Variants in PLEKHA7 observed in about 807,000 individuals in gnomAD.
The protein encoded by PLEKHA7 is pleckstrin homology domain-containing family A member 7.
A neutral mutation model predicts 170.0 loss-of-function variants in PLEKHA7; 104 were observed. The ratio of observed to expected loss-of-function variants is 0.61; its 90% CI spans 0.52 to 0.72. The LOEUF is 0.72. PLEKHA7 is among the 30% of genes least tolerant of loss of function. The pLI is 0.00. For synonymous variants in PLEKHA7, 648 were observed against 660.8 expected, an observed-to-expected ratio of 0.98 and a Z score of 0.30; for missense variants, 1,615 against 1,671.7, an observed-to-expected ratio of 0.97 and a Z score of 0.59.
chr11:16,812,328 G>A (rs1221779693), intron 13 of PLEKHA7: 3 of 152,236 alleles, frequency 2.0e-5, no homozygotes, highest in African/African-American at 7.2e-5. Context: ...TCCCAAGCCA[G>A]GTACACTGGA....
chr11:16,943,128 C>G (rs1184103076), intron 3 of PLEKHA7, among the ~76,000 whole-genome samples: 4 of 152,116 alleles, frequency 2.6e-5, no homozygotes, highest in Non-Finnish European at 5.9e-5. Context: ...AAGCCACATA[C>G]GCAATTTCGA....
At chr11:16,967,081 A>G (rs1862418990) in intron 3 of PLEKHA7, among the ~76,000 whole-genome samples, 1 of 152,214 alleles carries the variant, frequency 6.6e-6, no homozygotes, top group Non-Finnish European at 1.5e-5. Flanking sequence ...AAAATCACTG[A>G]TTCCAACAGA....
rs567503249 is a variant in PLEKHA7 at position 16,826,501 on chromosome 11, G to T, written c.962C>A (p.Thr321Lys). ...ATGGCCACGATGAGGACAATCTCTC[G>T]TATGTCCGGGTCCCACCCGGCCACA... Reference protein sequence around the residue: ...HECGRVGPGHTRDCPHRGHDD... With the variant: ...HECGRVGPGHKRDCPHRGHDD... The change falls in exon 10 of 27, where the codon ACG becomes AAG. Residue 321 changes from threonine (T) to lysine (K), a missense_variant. By Grantham distance (78) the Thr-to-Lys change is moderately conservative (BLOSUM62 -1). Transcript: ENST00000531066. 1.9e-6 allele frequency: 3 copies of T among 1,614,198 alleles called. No individual in the cohort carries two copies. The highest frequency in any genetic ancestry group is 2.2e-5 in the East Asian group (1 of 44,876).
chr11:16,826,304 G>C lies in PLEKHA7; in HGVS notation c.1159C>G (p.Gln387Glu). Residue 387 changes from glutamine (Q) to glutamate (E), a missense_variant, in exon 10 of 27, where the codon CAG (glutamine) becomes GAG (glutamate). Physicochemically the swap from Gln to Glu is conservative, Grantham distance 29. Coordinates refer to ENST00000531066, the MANE Select transcript of PLEKHA7 (RefSeq NM_001329630.2). The part of the protein sequence containing the change: ...LPTGPRGQQA[Q>E]PQRAEKNGML... ...CCATTCTTCTCTGCCCGTTGGGGCT[G>C]TGCCTGCTGGCCTCTTGGGCCAGTG... 1 of 1,614,228 alleles carries C rather than the reference G, an allele frequency of 6.2e-7. No homozygotes were observed. The highest frequency in any genetic ancestry group is 8.5e-7 in the Non-Finnish European group (1 of 1,180,040).
chr11:16,816,097 G>T, intron 12 of PLEKHA7, 81 bp downstream of exon 12: 1 of 1,196,726 alleles, frequency 8.4e-7, no homozygotes, highest in Non-Finnish European at 1.2e-6. Flanking sequence ...GCTGCCCTCT[G>T]GACTGCATTG....
At chr11:16,790,010 T>A (rs1847726021) in intron 21 of PLEKHA7, 132 bp from the exon 22 acceptor site, 1 of 817,412 alleles carries the variant, frequency 1.2e-6, no homozygotes, top group African/African-American at 1.7e-5. Context: ...CTCTTCTTCC[T>A]CCCCAGGGCA....
At chr11:16,847,932 G>C (rs1283581425) in intron 8 of PLEKHA7, among the ~76,000 whole-genome samples, 1 of 152,034 alleles carries the variant, frequency 6.6e-6, no homozygotes, top group Non-Finnish European at 1.5e-5. Flanking sequence ...CCTGAACAAG[G>C]GTGCAACTTA....
At chr11:16,781,900 A>C (rs545639841) in intron 26 of PLEKHA7, among the ~76,000 whole-genome samples, 4 of 152,232 alleles carry the variant, frequency 2.6e-5, no homozygotes, top group South Asian at 2.1e-4. Flanking sequence ...TCCCCAGAAG[A>C]AGCACACCTG....
chr11:16,872,532 A>AT (rs1020034163), intron 3 of PLEKHA7, among the ~76,000 whole-genome samples: 1 of 151,898 alleles, frequency 6.6e-6, no homozygotes, highest in Non-Finnish European at 1.5e-5. Context: ...GTAAACAAAA[A>AT]TTTTTTTGAC....
At chr11:16,792,911 C>T (rs1358777959) in intron 19 of PLEKHA7, among the ~76,000 whole-genome samples, 1 of 152,108 alleles carries the variant, frequency 6.6e-6, no homozygotes, top group Non-Finnish European at 1.5e-5. Flanking sequence ...GTAGCTGGGA[C>T]GACAGGCAAG....
At chr11:16,972,167 C>T (rs1008903214) in intron 3 of PLEKHA7, among the ~76,000 whole-genome samples, 25 of 151,330 alleles carry the variant, frequency 1.7e-4, no homozygotes, top group Admixed American at 5.3e-4. Flanking sequence ...CTGTCTCCCT[C>T]GCTGGAGTGC....
chr11:16,847,104 T>C (rs925746160), intron 8 of PLEKHA7, among the ~76,000 whole-genome samples: 3 of 134,094 alleles, frequency 2.2e-5, no homozygotes, highest in East Asian at 2.2e-4. Flanking sequence ...TTTTTTTTTT[T>C]TTTTTTTTTT....
chr11:16,855,739 G>A (rs1853382821), intron 5 of PLEKHA7, 64 bp downstream of exon 5: 1 of 1,244,356 alleles, frequency 8.0e-7, no homozygotes, highest in Admixed American at 2.0e-5. Context: ...TGGACTTCTG[G>A]TTACAAAGGG....
chr11:16,994,945 A>G (rs564895760), intron 3 of PLEKHA7, among the ~76,000 whole-genome samples: 2 of 152,256 alleles, frequency 1.3e-5, no homozygotes, highest in African/African-American at 4.8e-5. Context: ...TGATTCATTA[A>G]CTGAGTGCCT....
At chr11:16,977,721 C>T (rs1424437076) in intron 3 of PLEKHA7, among the ~76,000 whole-genome samples, 1 of 152,158 alleles carries the variant, frequency 6.6e-6, no homozygotes, top group Admixed American at 6.5e-5. Context: ...GCCTAAGTGC[C>T]CAGACTGTGG....
Position 17,004,375 on chromosome 11 carries a change from C to T in PLEKHA7, c.221+9614G>A, listed in dbSNP as rs978688825. 7.9e-5 allele frequency among the ~76,000 whole-genome samples: 11 copies of T among 140,118 alleles called. No individual in the cohort carries two copies. The Admixed American group carries it at 8.9e-4, about 11-fold the overall frequency. The allele number at this position is 140,118 out of a possible 152,430, so 91.9% of individuals were successfully genotyped here. On this transcript the variant is annotated intron_variant, in intron 3 of 26. Transcript: ENST00000531066. ...GAAGCTGAGCTAATGCAGTATACAC[C>T]TTTTTTTTCCTTTTTCTTTTTCTTT...
intron 3 of PLEKHA7, among the ~76,000 whole-genome samples, chr11:16,998,769 G>A (rs762026695): frequency 1.3e-5 from 2 of 151,898 alleles, no homozygotes; most frequent in African/African-American, 2.4e-5. Context: ...GCATTAAGGG[G>A]TACAGTTATT....
At chr11:16,895,398 C>T (rs1464545122) in intron 3 of PLEKHA7, among the ~76,000 whole-genome samples, 1 of 152,196 alleles carries the variant, frequency 6.6e-6, no homozygotes, top group Non-Finnish European at 1.5e-5. Flanking sequence ...CTGCACCATC[C>T]ACCTCTTCAG....
At chr11:16,802,702 C>T (rs1174647648) in intron 15 of PLEKHA7, among the ~76,000 whole-genome samples, 1 of 152,134 alleles carries the variant, frequency 6.6e-6, no homozygotes, top group Non-Finnish European at 1.5e-5. Flanking sequence ...TGCCCACCAC[C>T]ATGCCCAGCT....
Sources: gnomAD v4.1 joint callset for allele counts (sites outside exome capture counted in the v4.1 genomes callset) on GRCh38, gnomAD v4.1.1 for gene constraint, MANE v1.5 for transcripts, NCBI Gene and HGNC (gene_info 2026-07-23, HGNC 2026-07-21) for gene names.